POU2F3: variants seen among roughly 807,000 people sequenced by gnomAD.
POU2F3 encodes the protein POU class 2 homeobox 3, also known as POU domain, class 2, transcription factor 3.
In POU2F3, 23 loss-of-function variants were observed where a neutral mutation model predicts 59.2. The observed-to-expected ratio is 0.39, with a 90% confidence interval of 0.28 to 0.55. The LOEUF (loss-of-function observed/expected upper bound fraction) is 0.55, where lower values mean the gene tolerates loss of function less well. Among genes scored for constraint, POU2F3 ranks in the 20% least tolerant of loss-of-function variants. The pLI is 0.66. For missense variants in POU2F3, 473 were observed against 544.5 expected (o/e 0.87, Z 1.31); for synonymous variants, 190 against 214.6 (o/e 0.89, Z 1.00).
intron 3 of POU2F3, 115 bp from the exon 4 acceptor site, chr11:120,298,150 G>T: frequency 7.5e-7 from 1 of 1,330,762 alleles, no homozygotes; most frequent in South Asian, 1.4e-5. Context: ...CCCTGGGCTA[G>T]CTCTCTCCTC....
At chr11:120,259,469 G>A (rs549439193) in intron 2 of POU2F3, 6 of 152,284 alleles carry the variant, frequency 3.9e-5, no homozygotes, top group African/African-American at 1.2e-4. Flanking sequence ...CACACGCGGT[G>A]TCTTTGCATT....
intron 2 of POU2F3, 85 bp downstream of exon 2, chr11:120,246,602 C>A: frequency 1.4e-6 from 2 of 1,465,368 alleles, no homozygotes; most frequent in Non-Finnish European, 1.9e-6. Context: ...TCTCTTCTTG[C>A]TTGGTCTTTC....
chr11:120,290,760 C>A (rs1472417339), intron 3 of POU2F3, among the ~76,000 whole-genome samples: 3 of 152,210 alleles, frequency 2.0e-5, no homozygotes, highest in Admixed American at 2.0e-4. Context: ...AGCTAATGCT[C>A]CTGTAACTAA....
intron 3 of POU2F3, among the ~76,000 whole-genome samples, chr11:120,278,191 C>A (rs772233480): frequency 1.3e-5 from 2 of 152,082 alleles, no homozygotes; most frequent in Non-Finnish European, 2.9e-5. Context: ...GGCTGTTCAC[C>A]GACACAGATG....
chr11:120,287,163 T>C (rs1940812435), intron 3 of POU2F3, among the ~76,000 whole-genome samples: 1 of 152,242 alleles, frequency 6.6e-6, no homozygotes, highest in African/African-American at 2.4e-5. Context: ...GGCATAACTT[T>C]ATAAGTCACA....
Position 120,319,550 on chromosome 11 carries a change from C to T in POU2F3, c.*1158C>T, listed in dbSNP as rs1941869587. ...CTGCCACTTGGGTTCAAGCGATTCTCCTGCCTCAGCCTCTCAAGTAGCGGG... is the reference window on the plus strand; with the variant it reads ...CTGCCACTTGGGTTCAAGCGATTCTTCTGCCTCAGCCTCTCAAGTAGCGGG... On this transcript the variant is annotated 3_prime_UTR_variant, in exon 13 of 13. Transcript: ENST00000543440. The T allele has an allele frequency of 6.7e-6, 1 of 148,992 alleles. No individual in the cohort carries two copies. The highest frequency in any genetic ancestry group is 2.5e-5 in the African/African-American group (1 of 40,244). The allele number at this position is 148,992 out of a possible 1,614,324, so 9.2% of individuals were successfully genotyped here.
chr11:120,317,395 C>T, intron 12 of POU2F3, 31 bp downstream of exon 12: 1 of 1,612,902 alleles, frequency 6.2e-7, no homozygotes, highest in Non-Finnish European at 8.5e-7. Flanking sequence ...CAGAGACATC[C>T]CAGCAGGGCC....
At chr11:120,249,108 A>C (rs1167162637) in intron 2 of POU2F3, among the ~76,000 whole-genome samples, 1 of 152,194 alleles carries the variant, frequency 6.6e-6, no homozygotes, top group East Asian at 1.9e-4. Flanking sequence ...GGCCAGACAC[A>C]GACCTCCTGG....
intron 3 of POU2F3, among the ~76,000 whole-genome samples, chr11:120,287,003 G>C (rs1940807065): frequency 6.6e-6 from 1 of 152,062 alleles, no homozygotes; most frequent in Non-Finnish European, 1.5e-5. Flanking sequence ...AGATGACAGT[G>C]ACCCATCGTT....
intron 1 of POU2F3, among the ~76,000 whole-genome samples, chr11:120,244,073 T>G (rs1053706224): frequency 1.3e-5 from 2 of 152,180 alleles, no homozygotes; most frequent in Non-Finnish European, 2.9e-5. Context: ...AGAATTACCT[T>G]CTTAAATTTC....
Position 120,318,825 on chromosome 11 carries a change from A to G in POU2F3, c.*433A>G. The G allele has an allele frequency of 5.4e-6, 1 of 186,056 alleles. No homozygotes were observed. The highest frequency in any genetic ancestry group is 1.1e-5 in the Non-Finnish European group (1 of 91,172). 11.5% of individuals were successfully genotyped at this position (186,056 alleles called of 1,614,324 possible). A position where few individuals can be genotyped will look rare whatever the true frequency, so the allele number is the denominator to read the frequency against. On this transcript the variant is annotated 3_prime_UTR_variant, in exon 13 of 13. Coordinates refer to ENST00000543440, the MANE Select transcript of POU2F3 (RefSeq NM_014352.4). ...AATAGTTTTGACTCTGAACTTGGCC[A>G]CAACCCCTGAACTGATCCCAAAATC...
intron 2 of POU2F3, chr11:120,261,176 G>GTGTGTGTA (rs1455014288): frequency 1.3e-5 from 2 of 150,914 alleles, no homozygotes; most frequent in African/African-American, 2.5e-5. Context: ...GTGTGTGTGT[G>GTGTGTGTA]TGTGTGTGTG....
Position 120,319,378 on chromosome 11 carries a change from C to A in POU2F3, c.*986C>A, listed in dbSNP as rs1160421371. On this transcript the variant is annotated 3_prime_UTR_variant, in exon 13 of 13. Transcript: ENST00000543440. ...TCTTTAAAAAAAAGGGGGGGAAATA[C>A]CAAAGTGTGAAATACTGTGCTACCT... The A allele has an allele frequency of 6.6e-6, 1 of 151,986 alleles. No individual in the cohort carries two copies. Among genetic ancestry groups the A allele is most frequent in the African/African-American group, 2.4e-5 (1 of 41,230 alleles). 9.4% of individuals were successfully genotyped at this position (151,986 alleles called of 1,614,324 possible). A position where few individuals can be genotyped will look rare whatever the true frequency, so the allele number is the denominator to read the frequency against.
chr11:120,253,836 C>T (rs1183522717), intron 2 of POU2F3, among the ~76,000 whole-genome samples: 1 of 152,202 alleles, frequency 6.6e-6, no homozygotes. Flanking sequence ...CTCCACCTGA[C>T]CCTGGGTACA....
chr11:120,275,642 A>G (rs1940286031), intron 3 of POU2F3, among the ~76,000 whole-genome samples: 1 of 152,132 alleles, frequency 6.6e-6, no homozygotes, highest in South Asian at 2.1e-4. Flanking sequence ...AAGTCCTGTG[A>G]GGCCAGAAGA....
At chr11:120,280,632 A>AAGAGAGAG (rs5795223) in intron 3 of POU2F3, among the ~76,000 whole-genome samples, 2 of 139,452 alleles carry the variant, frequency 1.4e-5, no homozygotes, top group African/African-American at 5.3e-5. Flanking sequence ...GAGAGAGAAA[A>AAGAGAGAG]AGAGAGAGAG....
intron 10 of POU2F3, among the ~76,000 whole-genome samples, chr11:120,312,106 A>G (rs1339163362): frequency 1.3e-5 from 2 of 152,116 alleles, no homozygotes; most frequent in African/African-American, 4.8e-5. Flanking sequence ...AAGGCATGGA[A>G]TTTTTTAAAT....
At chr11:120,240,422 G>T in intron 1 of POU2F3, 51 bp downstream of exon 1, 1 of 1,341,782 alleles carries the variant, frequency 7.5e-7, no homozygotes, top group Non-Finnish European at 9.6e-7. Context: ...GCGTGGGCAG[G>T]GGTGAAGGAG....
At chr11:120,269,308 G>C (rs987345400) in intron 3 of POU2F3, 64 bp downstream of exon 3, 81 of 1,315,910 alleles carry the variant, frequency 6.2e-5, no homozygotes, top group Non-Finnish European at 8.6e-5. Context: ...TATACTGTCT[G>C]GTATGGAGGA....
Sources: gnomAD v4.1 joint callset for allele counts (sites outside exome capture counted in the v4.1 genomes callset) on GRCh38, gnomAD v4.1.1 for gene constraint, MANE v1.5 for transcripts, NCBI Gene and HGNC (gene_info 2026-07-23, HGNC 2026-07-21) for gene names.